Variants in WWOX observed in about 807,000 individuals in gnomAD.
WWOX encodes WW domain-containing oxidoreductase.
In WWOX, 69 loss-of-function variants were observed where a neutral mutation model predicts 46.2. That is an observed-to-expected ratio of 1.49 (90% confidence interval 1.23 to 1.82). The LOEUF (loss-of-function observed/expected upper bound fraction) is 1.82. Ranked by LOEUF, WWOX falls within the 40% of genes most tolerant of loss-of-function variation. The probability of loss-of-function intolerance (pLI) is 0.00; values close to 1 mark genes in which losing one functional copy is unlikely to be tolerated. For missense variants in WWOX, 919 were observed against 542.6 expected (o/e 1.69, Z -6.89); for synonymous variants, 359 against 202.6 (o/e 1.77, Z -6.56).
intron 8 of WWOX, among the ~76,000 whole-genome samples, chr16:79,085,666 G>C (rs1047159376): frequency 1.3e-5 from 2 of 152,094 alleles, no homozygotes; most frequent in East Asian, 3.9e-4. Flanking sequence ...TATAATAACT[G>C]TTAGTACCTA....
chr16:78,992,009 G>T (rs2046896797), intron 8 of WWOX, among the ~76,000 whole-genome samples: 1 of 152,172 alleles, frequency 6.6e-6, no homozygotes, highest in Non-Finnish European at 1.5e-5. Context: ...CTCACCTGAA[G>T]GATCTTCTCC....
chr16:78,133,594 C>A (rs2033684273), intron 4 of WWOX, among the ~76,000 whole-genome samples: 1 of 152,156 alleles, frequency 6.6e-6, no homozygotes, highest in Non-Finnish European at 1.5e-5. Context: ...TGGGGTTTCA[C>A]CATGTTGGCC....
At chr16:78,264,015 T>TTTTTTTTTTTTTTTTTTTTTTTC (rs2079307702) in intron 5 of WWOX, among the ~76,000 whole-genome samples, 1 of 139,010 alleles carries the variant, frequency 7.2e-6, no homozygotes, top group African/African-American at 2.7e-5. Context: ...TTTTTTTTTT[T>TTTTTTTTTTTTTTTTTTTTTTTC]GTTTTTTTGC....
intron 8 of WWOX, among the ~76,000 whole-genome samples, chr16:78,894,367 C>G (rs1247826237): frequency 6.6e-6 from 1 of 152,152 alleles, no homozygotes; most frequent in Non-Finnish European, 1.5e-5. Context: ...GATACACCTC[C>G]AAGTATAATA....
intron 8 of WWOX, among the ~76,000 whole-genome samples, chr16:78,530,949 G>GA (rs1254442938): frequency 6.6e-6 from 1 of 152,182 alleles, no homozygotes; most frequent in East Asian, 1.9e-4. Flanking sequence ...GTTGAGGGAT[G>GA]AAAAAAGTTA....
intron 5 of WWOX, among the ~76,000 whole-genome samples, chr16:78,271,505 C>G (rs1259172350): frequency 1.3e-5 from 2 of 152,210 alleles, no homozygotes; most frequent in Non-Finnish European, 2.9e-5. Context: ...GAGAGCTTCA[C>G]AGCTCAGAAT....
intron 8 of WWOX, among the ~76,000 whole-genome samples, chr16:79,105,063 G>C (rs961580481): frequency 1.3e-5 from 2 of 152,104 alleles, no homozygotes; most frequent in African/African-American, 4.8e-5. Context: ...AGTGGAAAAT[G>C]TGATATGACA....
chr16:78,567,514 C>A (rs757284362), intron 8 of WWOX, among the ~76,000 whole-genome samples: 1 of 134,728 alleles, frequency 7.4e-6, no homozygotes, highest in African/African-American at 2.9e-5. Context: ...GATTGCAGCA[C>A]TGCACTCCAG....
intron 8 of WWOX, among the ~76,000 whole-genome samples, chr16:79,018,598 G>A (rs750105265): frequency 3.3e-5 from 5 of 152,030 alleles, no homozygotes; most frequent in East Asian, 1.9e-4. Context: ...TGTCAGAATC[G>A]AGGTCATGTC....
chr16:78,732,491 C>A (rs1367479127), intron 8 of WWOX, among the ~76,000 whole-genome samples: 1 of 152,146 alleles, frequency 6.6e-6, no homozygotes, highest in Non-Finnish European at 1.5e-5. Flanking sequence ...GGCTGACTGT[C>A]CCCTTTGTGC....
At position 78,523,709 on chromosome 16, in the gene WWOX, C is replaced by G. The variant is rs181117437; in HGVS notation, c.1056+90957C>G. On this transcript the variant is annotated intron_variant, in intron 8 of 8. Transcript: ENST00000566780. ...GTTTCAGCACATCACAGTCATGCTT[C>G]CCTGTTGAAAGATGCTCCGTTTTCC... Among the ~76,000 whole-genome samples the G allele has an allele frequency of 8.5e-5, 13 of 152,286 alleles. No homozygotes were observed. The East Asian group carries it at 2.3e-3, about 27-fold the overall frequency.
At chr16:78,226,552 TTTTCTTTTCC>T (rs1158797061) in intron 5 of WWOX, among the ~76,000 whole-genome samples, 2 of 145,208 alleles carry the variant, frequency 1.4e-5, no homozygotes, top group Non-Finnish European at 3.0e-5. Flanking sequence ...TCTCCTTTTC[TTTTCTTTTCC>T]TTTCCTTCTT....
At chr16:78,520,304 T>A (rs558464539) in intron 8 of WWOX, among the ~76,000 whole-genome samples, 1 of 152,188 alleles carries the variant, frequency 6.6e-6, no homozygotes, top group South Asian at 2.1e-4. Context: ...ATTTTTTAGA[T>A]GTAAAAGTGG....
At chr16:79,083,643 C>T (rs1035350283) in intron 8 of WWOX, among the ~76,000 whole-genome samples, 6 of 152,226 alleles carry the variant, frequency 3.9e-5, no homozygotes, top group Non-Finnish European at 7.4e-5. Context: ...CAGTTAGGTT[C>T]GAAGGAAAAC....
chr16:78,969,303 C>T (rs953688560), intron 8 of WWOX, among the ~76,000 whole-genome samples: 6 of 150,416 alleles, frequency 4.0e-5, no homozygotes, highest in African/African-American at 1.5e-4. Context: ...AAGGGTCTCT[C>T]TCTGTCACCT....
chr16:78,999,946 C>A (rs1187114195), intron 8 of WWOX, among the ~76,000 whole-genome samples: 1 of 152,114 alleles, frequency 6.6e-6, no homozygotes, highest in Non-Finnish European at 1.5e-5. Context: ...GCCATATTTT[C>A]ACCGGGAGCA....
intron 6 of WWOX, among the ~76,000 whole-genome samples, chr16:78,394,748 G>C (rs184750155): frequency 3.9e-5 from 6 of 152,336 alleles, no homozygotes; most frequent in African/African-American, 1.4e-4. Flanking sequence ...GATGATCATG[G>C]CAGTGTTGCA....
intron 8 of WWOX, among the ~76,000 whole-genome samples, chr16:79,012,802 T>C (rs1323482915): frequency 1.3e-5 from 2 of 152,244 alleles, no homozygotes; most frequent in East Asian, 3.9e-4. Flanking sequence ...CCTTCTGTTT[T>C]CTTCCAGATC....
At chr16:78,543,396 C>T (rs1325856616) in intron 8 of WWOX, among the ~76,000 whole-genome samples, 1 of 152,148 alleles carries the variant, frequency 6.6e-6, no homozygotes, top group East Asian at 1.9e-4. Flanking sequence ...ACAATGATGC[C>T]CTTTCACATA....
Sources: allele counts gnomAD v4.1 joint callset (sites outside exome capture counted in the v4.1 genomes callset), GRCh38; gene constraint gnomAD v4.1.1; transcripts MANE v1.5; gene names NCBI Gene and HGNC (gene_info 2026-07-23, HGNC 2026-07-21).